Variants in SEMA6D observed in about 807,000 individuals in gnomAD.
SEMA6D encodes the protein semaphorin 6D.
In SEMA6D, 35 loss-of-function variants were observed where a neutral mutation model predicts 106.6. That is an observed-to-expected ratio of 0.33 (90% CI 0.25 to 0.44). SEMA6D has a LOEUF of 0.44. Ranked by LOEUF, SEMA6D falls within the 20% of genes least tolerant of loss-of-function variation. The probability of loss-of-function intolerance (pLI) is 1.00; values close to 1 mark genes in which losing one functional copy is unlikely to be tolerated. For missense variants in SEMA6D, 1,185 were observed against 1,345.9 expected, an observed-to-expected ratio of 0.88 and a Z score of 1.87; for synonymous variants, 499 against 487.7, an observed-to-expected ratio of 1.02 and a Z score of -0.31.
intron 1 of SEMA6D, among the ~76,000 whole-genome samples, chr15:47,737,973 A>G (rs2080546772): frequency 6.6e-6 from 1 of 152,102 alleles, no homozygotes; most frequent in Non-Finnish European, 1.5e-5. Context: ...TCACCAGTGT[A>G]AAGTTGTGTC....
At chr15:47,227,567 TCTCA>T (rs68175728) in intron 1 of SEMA6D, among the ~76,000 whole-genome samples, 7,211 of 87,166 alleles carry the variant, frequency 0.083, 361 homozygotes, top group African/African-American at 0.16. Flanking sequence ...TCTCTCTCTC[TCTCA>T]CACACACACA....
chr15:47,730,702 G>A (rs1266003797), intron 1 of SEMA6D: 93 of 1,606,942 alleles, frequency 5.8e-5, no homozygotes, highest in Non-Finnish European at 7.6e-5. Context: ...CTGGTTAATC[G>A]CAGGAGGCAC....
chr15:47,473,821 C>T (rs112763820), intron 3 of SEMA6D, among the ~76,000 whole-genome samples: 2,353 of 152,132 alleles, frequency 0.015, 46 homozygotes, highest in African/African-American at 0.036. Flanking sequence ...TTTCTTTGAC[C>T]CAGAAACTCC....
At chr15:47,562,784 TTAAATA>T (rs1487432138) in intron 3 of SEMA6D, among the ~76,000 whole-genome samples, 103 of 152,274 alleles carry the variant, frequency 6.8e-4, no homozygotes, top group African/African-American at 2.4e-3. Context: ...TCTTAAAAAC[TTAAATA>T]TAAAGTTTCC....
At chr15:47,411,558 A>G (rs2040800076) in intron 1 of SEMA6D, among the ~76,000 whole-genome samples, 1 of 152,192 alleles carries the variant, frequency 6.6e-6, no homozygotes, top group Non-Finnish European at 1.5e-5. Flanking sequence ...ACACTCATAT[A>G]CCGGTAGAAC....
At chr15:47,523,978 A>T (rs1420994601) in intron 3 of SEMA6D, among the ~76,000 whole-genome samples, 1 of 152,204 alleles carries the variant, frequency 6.6e-6, no homozygotes, top group Non-Finnish European at 1.5e-5. Flanking sequence ...TAAGCATGTT[A>T]AACACCCTCG....
chr15:47,579,774 A>T (rs1453185416), intron 3 of SEMA6D, among the ~76,000 whole-genome samples: 2 of 152,150 alleles, frequency 1.3e-5, no homozygotes, highest in Middle Eastern at 3.2e-3. Context: ...AATATATGGT[A>T]CTCACCATGT....
chr15:47,296,418 T>C (rs1232587698), intron 1 of SEMA6D, among the ~76,000 whole-genome samples: 2 of 152,210 alleles, frequency 1.3e-5, no homozygotes, highest in Non-Finnish European at 2.9e-5. Context: ...AAGTGTGGCA[T>C]GCTGAAAATT....
At chr15:47,433,055 GCAGA>G (rs2041589339) in intron 2 of SEMA6D, among the ~76,000 whole-genome samples, 1 of 151,960 alleles carries the variant, frequency 6.6e-6, no homozygotes, top group Non-Finnish European at 1.5e-5. Context: ...AGGCTTTGTG[GCAGA>G]CAGTGTGCTA....
At chr15:47,446,919 C>T (rs1053527685) in intron 2 of SEMA6D, among the ~76,000 whole-genome samples, 4 of 152,120 alleles carry the variant, frequency 2.6e-5, no homozygotes, top group Non-Finnish European at 4.4e-5. Flanking sequence ...ATGTATTTCT[C>T]CTCTTAAAAA....
At chr15:47,274,898 C>T (rs914579696) in intron 1 of SEMA6D, 2 of 152,162 alleles carry the variant, frequency 1.3e-5, no homozygotes, top group African/African-American at 4.8e-5. Flanking sequence ...CTGAACTCCA[C>T]CTAATTTCTG....
intron 3 of SEMA6D, among the ~76,000 whole-genome samples, chr15:47,580,348 A>G (rs374036409): frequency 1.3e-5 from 2 of 152,326 alleles, no homozygotes; most frequent in South Asian, 2.1e-4. Context: ...CTGCAAAGCA[A>G]TCGATAGTTA....
chr15:47,540,448 A>C (rs958495312), intron 3 of SEMA6D, among the ~76,000 whole-genome samples: 2 of 152,144 alleles, frequency 1.3e-5, no homozygotes, highest in Admixed American at 6.6e-5. Context: ...AAAAAAAAGC[A>C]TGCATTTACT....
intron 3 of SEMA6D, among the ~76,000 whole-genome samples, chr15:47,488,682 G>T (rs1335522917): frequency 1.3e-5 from 2 of 152,148 alleles, no homozygotes; most frequent in East Asian, 3.9e-4. Flanking sequence ...GGAGGAGTGG[G>T]AGGAAGAGCA....
chr15:47,765,790 C>T (rs185241680), intron 13 of SEMA6D, 79 bp from the exon 14 acceptor site: 1 of 1,318,170 alleles, frequency 7.6e-7, no homozygotes, highest in African/African-American at 1.5e-5. Context: ...CTTATGATTT[C>T]CCAGGTCTCA....
chr15:47,623,931 T>C (rs1414855908), intron 4 of SEMA6D, among the ~76,000 whole-genome samples: 1 of 152,188 alleles, frequency 6.6e-6, no homozygotes, highest in African/African-American at 2.4e-5. Context: ...GTCAGAATCC[T>C]GCTTTAAAAA....
chr15:47,335,533 T>C (rs892790907), intron 1 of SEMA6D, among the ~76,000 whole-genome samples: 1 of 152,092 alleles, frequency 6.6e-6, no homozygotes, highest in African/African-American at 2.4e-5. Flanking sequence ...ACTGGCCTTA[T>C]GATGACTAGG....
intron 3 of SEMA6D, among the ~76,000 whole-genome samples, chr15:47,537,108 G>T (rs1409253761): frequency 6.6e-6 from 1 of 152,202 alleles, no homozygotes; most frequent in Non-Finnish European, 1.5e-5. Flanking sequence ...TACTGGTTAT[G>T]ACAATCTCTT....
intron 4 of SEMA6D, among the ~76,000 whole-genome samples, chr15:47,625,880 C>G (rs2077193029): frequency 6.6e-6 from 1 of 151,978 alleles, no homozygotes; most frequent in Non-Finnish European, 1.5e-5. Context: ...CTATTTTCTT[C>G]CTGTATTCCA....
Sources: gnomAD v4.1 joint callset for allele counts (sites outside exome capture counted in the v4.1 genomes callset) on GRCh38, gnomAD v4.1.1 for gene constraint, MANE v1.5 for transcripts, NCBI Gene and HGNC (gene_info 2026-07-23, HGNC 2026-07-21) for gene names.